The following FABP12 variants were observed in gnomAD, a reference collection of about 807,000 sequenced individuals.
FABP12 encodes the protein fatty acid binding protein 12.
Under a neutral mutation model 13.7 loss-of-function variants are expected in FABP12, and 19 were observed. The ratio of observed to expected loss-of-function variants is 1.39; its 90% CI spans 0.97 to 2.04. FABP12 has a LOEUF of 2.04. Among genes scored for constraint, FABP12 ranks in the 30% most tolerant of loss-of-function variants. The pLI is 0.00. For missense variants in FABP12, 182 were observed against 164.2 expected (o/e 1.11, Z -0.59); for synonymous variants, 61 against 57.0 (o/e 1.07, Z -0.32).
At chr8:81,532,680 G>C (rs1585836648) in intron 1 of FABP12, among the ~76,000 whole-genome samples, 1 of 152,172 alleles carries the variant, frequency 6.6e-6, no homozygotes, top group African/African-American at 2.4e-5. Context: ...AATTAGCCAG[G>C]CATGGTGCAA....
At chr8:81,571,659 G>C (rs1809934206) in intron 1 of FABP12, among the ~76,000 whole-genome samples, 1 of 152,218 alleles carries the variant, frequency 6.6e-6, no homozygotes, top group Admixed American at 6.5e-5. Context: ...AGCTAAACCT[G>C]AACCCAAACC....
chr8:81,589,990 G>A (rs1433025505), intron 1 of FABP12, among the ~76,000 whole-genome samples: 1 of 152,122 alleles, frequency 6.6e-6, no homozygotes, highest in Non-Finnish European at 1.5e-5. Context: ...AGTTCAAAAG[G>A]CATTTCTAAA....
rs2129998142 is a variant in FABP12 at position 81,545,174 on chromosome 8, C to T, written c.-184-5431G>A. ...TAGCTGAGATTACAGGCACCTGCCA[C>T]CATGCCCGACTAGAGGTTGGGTAAC... On this transcript the variant is annotated intron_variant, in intron 1 of 5. Transcript: ENST00000692030. 2.0e-5 allele frequency among the ~76,000 whole-genome samples: 3 copies of T among 152,272 alleles called. 1 individual carries two copies. The South Asian group carries it at 6.2e-4, about 32-fold the overall frequency.
rs184980163 is a variant in FABP12, at chr8:81,565,545, T to C, written c.-185+24508A>G. On this transcript the variant is annotated intron_variant, in intron 1 of 5. Coordinates refer to the FABP12 transcript ENST00000692030. ...GAATTTGGGGAACTATACAATCATG[T>C]AGAAATTAAACAACGTGTTGTTGAA... is the stretch of plus-strand genomic sequence containing the variant. Among the ~76,000 whole-genome samples, 81 of 152,102 alleles carry C rather than the reference T, an allele frequency of 5.3e-4. 1 individual carries two copies. Among genetic ancestry groups the C allele is most frequent in the African/African-American group, 1.9e-3 (79 of 41,546 alleles).
At chr8:81,542,070 T>C (rs1809359270) in intron 1 of FABP12, among the ~76,000 whole-genome samples, 1 of 152,000 alleles carries the variant, frequency 6.6e-6, no homozygotes, top group Admixed American at 6.6e-5. Flanking sequence ...TTTGTGTCAG[T>C]GAAGTCTCAA....
intron 1 of FABP12, among the ~76,000 whole-genome samples, chr8:81,546,953 T>G (rs140799896): frequency 7.2e-4 from 109 of 152,326 alleles, no homozygotes; most frequent in Non-Finnish European, 1.3e-3. Flanking sequence ...CAGGCTGTTA[T>G]TACTTGCTCA....
intron 1 of FABP12, among the ~76,000 whole-genome samples, chr8:81,562,577 C>G (rs1408089019): frequency 6.6e-6 from 1 of 152,094 alleles, no homozygotes; most frequent in East Asian, 1.9e-4. Flanking sequence ...CTGGCATTTA[C>G]CACAGCTTGA....
exon 3 of FABP12, chr8:81,529,471 A>G (rs1025724598): frequency 6.2e-7 from 1 of 1,613,972 alleles, no homozygotes; most frequent in African/African-American, 1.3e-5. Flanking sequence ...TGATTTCCTC[A>G]AACTCTTCTC....
intron 1 of FABP12, among the ~76,000 whole-genome samples, chr8:81,558,361 C>G (rs1170636710): frequency 6.6e-6 from 1 of 152,042 alleles, no homozygotes; most frequent in African/African-American, 2.4e-5. Flanking sequence ...GGATTTTGAG[C>G]AATTTGCAGG....
upstream of FABP12, among the ~76,000 whole-genome samples, chr8:81,535,295 A>G (rs1563544977): frequency 6.6e-6 from 1 of 152,172 alleles, no homozygotes; most frequent in Admixed American, 6.5e-5. Flanking sequence ...CTCCCCTGCC[A>G]CCGAATACAA....
intron 1 of FABP12, among the ~76,000 whole-genome samples, chr8:81,580,293 G>C (rs1017823889): frequency 3.3e-5 from 5 of 151,970 alleles, no homozygotes; most frequent in Non-Finnish European, 7.4e-5. Flanking sequence ...ATCTTATTTT[G>C]GTGCCACTTT....
chr8:81,583,385 G>T lies in FABP12; in HGVS notation c.-185+6668C>A, dbSNP rs184287428. Among the ~76,000 whole-genome samples the T allele has an allele frequency of 4.0e-5, 6 of 151,412 alleles. No individual in the cohort carries two copies. In the East Asian group the frequency reaches 5.8e-4, roughly 15 times the overall value. On this transcript the variant is annotated intron_variant, in intron 1 of 5. Coordinates refer to the FABP12 transcript ENST00000692030. Reference sequence around the variant, plus strand: ...CAGAACTGAACAAAATAGAGACAAAGAATCAACAAAACAAAAAGTTTGTTC... The same window carrying T: ...CAGAACTGAACAAAATAGAGACAAATAATCAACAAAACAAAAAGTTTGTTC...
At chr8:81,549,280 G>A (rs1261739038) in intron 1 of FABP12, among the ~76,000 whole-genome samples, 2 of 151,728 alleles carry the variant, frequency 1.3e-5, no homozygotes, top group Non-Finnish European at 2.9e-5. Context: ...GGTTGGTTCT[G>A]TTTCTCTGGA....
chr8:81,548,535 T>C (rs1434203532), intron 1 of FABP12, among the ~76,000 whole-genome samples: 1 of 152,202 alleles, frequency 6.6e-6, no homozygotes, highest in Non-Finnish European at 1.5e-5. Context: ...ATGTAGGATA[T>C]ACCTTTGACT....
intron 2 of FABP12, among the ~76,000 whole-genome samples, chr8:81,530,018 G>A (rs1207982132): frequency 2.6e-5 from 4 of 152,086 alleles, no homozygotes; most frequent in Non-Finnish European, 5.9e-5. Context: ...GATTTTGCCA[G>A]ATATTTAGCT....
At chr8:81,532,593 C>T (rs536673529) in intron 1 of FABP12, among the ~76,000 whole-genome samples, 3 of 152,298 alleles carry the variant, frequency 2.0e-5, no homozygotes, top group South Asian at 2.1e-4. Context: ...GAGGCCCAGG[C>T]GGGCAGATCA....
rs1809624324 is a variant in FABP12 at position 81,556,783 on chromosome 8, T to TATAC, written c.-184-17044_-184-17041dup. ...TATATTTATATATAAATTATTATTT[T>TATAC]ATACATATATATATGGTGCTTAAAA... On this transcript the variant is annotated intron_variant, in intron 1 of 5. Coordinates refer to the FABP12 transcript ENST00000692030. 2.0e-5 allele frequency among the ~76,000 whole-genome samples: 3 copies of TATAC among 147,874 alleles called. No homozygotes were observed. The East Asian group carries it at 5.8e-4, about 29-fold the overall frequency.
chr8:81,539,630 T>A (rs1809298371), exon 2 of FABP12, among the ~76,000 whole-genome samples: 1 of 152,150 alleles, frequency 6.6e-6, no homozygotes, highest in Non-Finnish European at 1.5e-5. Context: ...TGTTTTAGAA[T>A]TTCAGCAGAC....
At chr8:81,564,385 T>G (rs944505982) in intron 1 of FABP12, among the ~76,000 whole-genome samples, 8 of 152,036 alleles carry the variant, frequency 5.3e-5, no homozygotes, top group African/African-American at 1.9e-4. Flanking sequence ...CACAGAACAT[T>G]ATAAAATATA....
Sources: gnomAD v4.1 joint callset for allele counts (sites outside exome capture counted in the v4.1 genomes callset) on GRCh38, gnomAD v4.1.1 for gene constraint, MANE v1.5 for transcripts, NCBI Gene and HGNC (gene_info 2026-07-23, HGNC 2026-07-21) for gene names.